The following TM2D1 variants were observed in gnomAD, a reference collection of about 807,000 sequenced individuals.
TM2D1 encodes the protein TM2 domain-containing protein 1.
Under a neutral mutation model 28.4 loss-of-function variants are expected in TM2D1, and 15 were observed. The observed-to-expected ratio is 0.53, with a 90% CI of 0.35 to 0.81. TM2D1 has a LOEUF of 0.81. Ranked by LOEUF, TM2D1 falls within the 40% of genes least tolerant of loss-of-function variation. The pLI, the probability that TM2D1 is intolerant of heterozygous loss-of-function variation, is 0.01. For missense variants in TM2D1, 236 were observed against 254.9 expected (o/e 0.93, Z 0.50); for synonymous variants, 93 against 96.2 (o/e 0.97, Z 0.20).
chr1:61,690,957 C>T (rs905221994), intron 5 of TM2D1, among the ~76,000 whole-genome samples: 9 of 152,146 alleles, frequency 5.9e-5, no homozygotes, highest in Non-Finnish European at 1.2e-4. Flanking sequence ...AGGAAATCCA[C>T]TCTGTCATAT....
intron 2 of TM2D1, among the ~76,000 whole-genome samples, chr1:61,718,008 C>A (rs1430595779): frequency 2.0e-5 from 3 of 152,052 alleles, no homozygotes; most frequent in Non-Finnish European, 2.9e-5. Context: ...AGCAGCGAGA[C>A]CATGTCTCCA....
At chr1:61,684,141 C>T (rs546187815) in intron 5 of TM2D1, among the ~76,000 whole-genome samples, 5 of 152,254 alleles carry the variant, frequency 3.3e-5, no homozygotes, top group South Asian at 4.1e-4. Flanking sequence ...AACACATGTT[C>T]GCTACAATCA....
intron 5 of TM2D1, among the ~76,000 whole-genome samples, chr1:61,689,884 T>C (rs1644311418): frequency 1.3e-5 from 2 of 152,198 alleles, no homozygotes; most frequent in African/African-American, 4.8e-5. Context: ...AGCCCTATTA[T>C]GTTTTGAATG....
At chr1:61,717,229 G>A (rs1329822662) in intron 2 of TM2D1, among the ~76,000 whole-genome samples, 4 of 151,940 alleles carry the variant, frequency 2.6e-5, no homozygotes, top group South Asian at 2.1e-4. Context: ...TTAGCCGGGC[G>A]TGGTGGCGGG....
At chr1:61,724,232 G>A (rs1269699947) in intron 1 of TM2D1, 3 of 152,448 alleles carry the variant, frequency 2.0e-5, no homozygotes, top group African/African-American at 7.2e-5. Flanking sequence ...AGGAGTTCAA[G>A]ACCAGCCTGG....
chr1:61,701,686 A>C (rs1557531825), intron 3 of TM2D1, among the ~76,000 whole-genome samples: 1 of 152,050 alleles, frequency 6.6e-6, no homozygotes, highest in Non-Finnish European at 1.5e-5. Context: ...TAAGGATGTC[A>C]AACTTTATGC....
chr1:61,697,600 A>G (rs1169319821), intron 4 of TM2D1: 1 of 152,218 alleles, frequency 6.6e-6, no homozygotes, highest in Non-Finnish European at 1.5e-5. Flanking sequence ...TACACTGTAC[A>G]TATTTAAAAT....
chr1:61,704,688 T>A (rs1266907801), intron 3 of TM2D1, among the ~76,000 whole-genome samples: 1 of 152,124 alleles, frequency 6.6e-6, no homozygotes, highest in African/African-American at 2.4e-5. Flanking sequence ...CACCTCAGTC[T>A]CCCAAAGTGT....
intron 3 of TM2D1, among the ~76,000 whole-genome samples, chr1:61,707,359 G>A (rs1203150520): frequency 1.3e-5 from 2 of 152,166 alleles, no homozygotes; most frequent in African/African-American, 4.8e-5. Context: ...CATTAACTTG[G>A]AAATTAAGTA....
intron 1 of TM2D1, 52 bp downstream of exon 1, chr1:61,724,905 C>A (rs773205289): frequency 6.6e-7 from 1 of 1,524,582 alleles, no homozygotes; most frequent in South Asian, 1.3e-5. Flanking sequence ...GACCCACCTG[C>A]GACCCCAACT....
rs553638355 is a variant in TM2D1, at chr1:61,682,518, C to A, written c.*19+899G>T. On this transcript the variant is annotated intron_variant, in intron 6 of 6. Coordinates refer to ENST00000606498, the MANE Select transcript of TM2D1 (RefSeq NM_032027.3). ...TGTATGGTAATTGAAATTTAAAAAA[C>A]CTTGTAGTAGCAGAGTCCTAGAAAA... Among the ~76,000 whole-genome samples, 21 of 152,198 alleles carry A rather than the reference C, an allele frequency of 1.4e-4. No homozygotes were observed. The East Asian group carries it at 3.7e-3, about 27-fold the overall frequency.
intron 6 of TM2D1, among the ~76,000 whole-genome samples, chr1:61,682,929 G>T (rs1644255725): frequency 2.0e-5 from 3 of 150,774 alleles, no homozygotes. Flanking sequence ...AAAAGATAAA[G>T]CTGAGGCCAA....
chr1:61,699,892 T>G (rs1461586056), intron 4 of TM2D1: 1 of 275,268 alleles, frequency 3.6e-6, no homozygotes, highest in African/African-American at 2.2e-5. Flanking sequence ...CTTACAACAC[T>G]GAGTTTTAGT....
chr1:61,713,278 G>C (rs1444814671), intron 2 of TM2D1, among the ~76,000 whole-genome samples: 1 of 151,658 alleles, frequency 6.6e-6, no homozygotes, highest in Non-Finnish European at 1.5e-5. Flanking sequence ...AGGAGTTCAA[G>C]ACCAGTCTGG....
intron 2 of TM2D1, 115 bp from the exon 3 acceptor site, chr1:61,709,552 A>G: frequency 1.4e-6 from 1 of 696,704 alleles, no homozygotes; most frequent in Non-Finnish European, 2.5e-6. Flanking sequence ...ATAACATGAC[A>G]CAAGCCTTTA....
At chr1:61,700,047 G>T (rs568678323) in intron 4 of TM2D1, 36 of 1,297,934 alleles carry the variant, frequency 2.8e-5, no homozygotes, top group Non-Finnish European at 3.5e-5. Context: ...CTCAGTGAAG[G>T]GCTAATATAG....
intron 2 of TM2D1, among the ~76,000 whole-genome samples, chr1:61,710,252 C>T (rs1644467292): frequency 6.6e-6 from 1 of 151,272 alleles, no homozygotes; most frequent in Admixed American, 6.6e-5. Flanking sequence ...TGGCGACACC[C>T]CATCTCTACA....
At chr1:61,704,901 T>G (rs1331161665) in intron 3 of TM2D1, among the ~76,000 whole-genome samples, 1 of 152,104 alleles carries the variant, frequency 6.6e-6, no homozygotes, top group Admixed American at 6.6e-5. Flanking sequence ...ACACCCTGTC[T>G]CTATATTAAA....
intron 2 of TM2D1, among the ~76,000 whole-genome samples, chr1:61,713,526 G>A (rs1164261937): frequency 2.1e-5 from 3 of 145,362 alleles, no homozygotes; most frequent in African/African-American, 7.6e-5. Flanking sequence ...GTCTGCAAAA[G>A]TATCTATAAA....
Sources: allele counts gnomAD v4.1 joint callset (sites outside exome capture counted in the v4.1 genomes callset), GRCh38; gene constraint gnomAD v4.1.1; transcripts MANE v1.5; gene names NCBI Gene and HGNC (gene_info 2026-07-23, HGNC 2026-07-21).